GALNT13: variants seen among roughly 807,000 people sequenced by gnomAD.
GALNT13 encodes the protein polypeptide N-acetylgalactosaminyltransferase 13, also known as UDP-GalNAc:polypeptide N-acetylgalactosaminyltransferase 13.
A neutral mutation model predicts 64.2 loss-of-function variants in GALNT13; 28 were observed. The ratio of observed to expected loss-of-function variants is 0.44; its 90% confidence interval spans 0.32 to 0.60. The LOEUF (loss-of-function observed/expected upper bound fraction) is 0.60, where lower values mean the gene tolerates loss of function less well. Among genes scored for constraint, GALNT13 ranks in the 20% least tolerant of loss-of-function variants. The probability of loss-of-function intolerance (pLI) is 0.05; values close to 1 mark genes in which losing one functional copy is unlikely to be tolerated. For synonymous variants in GALNT13, 214 were observed against 224.6 expected (o/e 0.95, Z 0.42); for missense variants, 577 against 669.8 (o/e 0.86, Z 1.53).
the GALNT13 span, among the ~76,000 whole-genome samples, chr2:153,471,945 A>G: frequency 6.6e-6 from 1 of 152,218 alleles, no homozygotes; most frequent in African/African-American, 2.4e-5. Flanking sequence ...GCTCATTTCT[A>G]GTCTGTAGTA....
At chr2:153,152,411 C>CT in the GALNT13 span, among the ~76,000 whole-genome samples, 57 of 148,740 alleles carry the variant, frequency 3.8e-4, 1 homozygote, top group Middle Eastern at 6.9e-3. Flanking sequence ...CACACACTTT[C>CT]TTTTTTTTTC....
chr2:154,095,744 T>A lies in GALNT13; in HGVS notation c.143-44593T>A, dbSNP rs965294549. Among the ~76,000 whole-genome samples the A allele has an allele frequency of 6.6e-5, 10 of 152,124 alleles. No homozygotes were observed. The East Asian group carries it at 1.9e-3, about 29-fold the overall frequency. Reference sequence around the variant, plus strand: ...TTTTATCTGAATGAATTTTAGGGCATTAAATAATTCACACATTTTAAAATA... The same window carrying A: ...TTTTATCTGAATGAATTTTAGGGCAATAAATAATTCACACATTTTAAAATA... On this transcript the variant is annotated intron_variant, in intron 3 of 12. Coordinates refer to ENST00000392825, the MANE Select transcript of GALNT13 (RefSeq NM_052917.4).
the GALNT13 span, among the ~76,000 whole-genome samples, chr2:153,500,418 TGGA>T: frequency 6.6e-6 from 1 of 152,184 alleles, no homozygotes; most frequent in South Asian, 2.1e-4. Context: ...CTTGGGTGCA[TGGA>T]GATTGGCTTC....
chr2:153,090,969 C>T, the GALNT13 span, among the ~76,000 whole-genome samples: 2 of 152,020 alleles, frequency 1.3e-5, no homozygotes, highest in African/African-American at 4.8e-5. Flanking sequence ...CCTGCAGTGC[C>T]CTGTTGAGAA....
At chr2:153,387,491 G>A in the GALNT13 span, among the ~76,000 whole-genome samples, 338 of 152,122 alleles carry the variant, frequency 2.2e-3, 1 homozygote, top group Non-Finnish European at 3.9e-3. Context: ...TAACTTTGTC[G>A]TAAAGGAGTT....
rs148496095 is a variant in GALNT13 at position 154,168,347 on chromosome 2, C to T, written c.311+27842C>T. 3.8e-3 allele frequency among the ~76,000 whole-genome samples: 573 copies of T among 152,186 alleles called. 4 individuals carry two copies. Among genetic ancestry groups the T allele is most frequent in the Middle Eastern group, 6.8e-3 (2 of 294 alleles). On this transcript the variant is annotated intron_variant, in intron 4 of 12. Transcript: ENST00000392825. The stretch of plus-strand genomic sequence containing the variant: ...TTCTTCAGAAGAGGTTAGTCTTTAT[C>T]TATTAAAGCCCTCAACTTATTGGAT...
the GALNT13 span, among the ~76,000 whole-genome samples, chr2:153,740,067 CAAAT>C: frequency 6.6e-6 from 1 of 151,914 alleles, no homozygotes; most frequent in Admixed American, 6.6e-5. Flanking sequence ...TGGTATTTTG[CAAAT>C]AAATGTTGTC....
chr2:153,435,862 A>G, the GALNT13 span, among the ~76,000 whole-genome samples: 1 of 151,892 alleles, frequency 6.6e-6, no homozygotes, highest in Non-Finnish European at 1.5e-5. Context: ...TTCCAACACT[A>G]TGTTGAATAG....
chr2:154,249,499 C>T (rs1023967769), intron 7 of GALNT13, among the ~76,000 whole-genome samples: 1 of 152,108 alleles, frequency 6.6e-6, no homozygotes, highest in African/African-American at 2.4e-5. Flanking sequence ...TGTAAGTGAA[C>T]CTCAATAAAT....
the GALNT13 span, chr2:153,593,190 C>G: frequency 6.6e-6 from 1 of 152,282 alleles, no homozygotes; most frequent in Non-Finnish European, 1.5e-5. Flanking sequence ...GTTCTCAAGC[C>G]CATCTCGCTC....
chr2:153,682,895 A>C, the GALNT13 span, among the ~76,000 whole-genome samples: 2 of 151,800 alleles, frequency 1.3e-5, no homozygotes, highest in African/African-American at 2.4e-5. Context: ...AGTGACTAGC[A>C]GACAGGGCAC....
At chr2:153,105,629 A>G in the GALNT13 span, among the ~76,000 whole-genome samples, 2 of 152,182 alleles carry the variant, frequency 1.3e-5, no homozygotes, top group Non-Finnish European at 2.9e-5. Context: ...AAACCCCATC[A>G]TCTCAGCCCA....
At chr2:154,176,609 A>G (rs924582664) in intron 4 of GALNT13, among the ~76,000 whole-genome samples, 1 of 152,124 alleles carries the variant, frequency 6.6e-6, no homozygotes, top group Non-Finnish European at 1.5e-5. Flanking sequence ...TATCAAAAGA[A>G]TAACAAGACA....
chr2:154,364,606 TTA>T (rs1477336396), intron 9 of GALNT13, among the ~76,000 whole-genome samples: 4 of 152,222 alleles, frequency 2.6e-5, no homozygotes, highest in Non-Finnish European at 5.9e-5. Context: ...ATCTGTTTTC[TTA>T]TATGACTATT....
At chr2:153,878,469 T>C (rs1412158673) in intron 1 of GALNT13, among the ~76,000 whole-genome samples, 2 of 152,206 alleles carry the variant, frequency 1.3e-5, no homozygotes, top group African/African-American at 4.8e-5. Context: ...TTCCATTCTC[T>C]TCCTAGTTTC....
chr2:154,148,304 T>G (rs1683748510), intron 4 of GALNT13, among the ~76,000 whole-genome samples: 1 of 152,048 alleles, frequency 6.6e-6, no homozygotes, highest in Admixed American at 6.6e-5. Flanking sequence ...ATGTGCCACA[T>G]TTTCTTAATC....
chr2:153,318,270 C>T, the GALNT13 span, among the ~76,000 whole-genome samples: 3 of 152,090 alleles, frequency 2.0e-5, no homozygotes, highest in Non-Finnish European at 4.4e-5. Context: ...ATGTGATTGG[C>T]GTGGAGCCCT....
the GALNT13 span, among the ~76,000 whole-genome samples, chr2:153,726,495 C>T: frequency 4.7e-3 from 708 of 152,178 alleles, 1 homozygote; most frequent in Middle Eastern, 0.01. Context: ...AAAATGTACT[C>T]CATTCTAGGT....
At chr2:153,638,560 T>C in the GALNT13 span, among the ~76,000 whole-genome samples, 11 of 24,112 alleles carry the variant, frequency 4.6e-4, 5 homozygotes, top group Non-Finnish European at 9.4e-4. Context: ...CATCTTTGAA[T>C]AGGTGAAAGG....
Sources: gnomAD v4.1 joint callset for allele counts (sites outside exome capture counted in the v4.1 genomes callset) on GRCh38, gnomAD v4.1.1 for gene constraint, MANE v1.5 for transcripts, NCBI Gene and HGNC (gene_info 2026-07-23, HGNC 2026-07-21) for gene names.